CNTNAP2: variants seen among roughly 807,000 people sequenced by gnomAD.
CNTNAP2 encodes the protein contactin-associated protein-like 2.
CNTNAP2 carries 98 observed loss-of-function variants against 155.2 expected under a neutral mutation model. The observed-to-expected ratio is 0.63, with a 90% confidence interval of 0.54 to 0.75. The LOEUF (loss-of-function observed/expected upper bound fraction) is 0.75, where lower values mean the gene tolerates loss of function less well. Among genes scored for constraint, CNTNAP2 ranks in the 30% least tolerant of loss-of-function variants. The pLI is 0.00. For missense variants in CNTNAP2, 1,727 were observed against 1,688.1 expected, an observed-to-expected ratio of 1.02 and a Z score of -0.40; for synonymous variants, 651 against 631.2, an observed-to-expected ratio of 1.03 and a Z score of -0.47.
At chr7:146,959,530 A>G (rs112839116) in intron 3 of CNTNAP2, among the ~76,000 whole-genome samples, 10,826 of 151,538 alleles carry the variant, frequency 0.071, 584 homozygotes, top group African/African-American at 0.15. Flanking sequence ...GACCAGCCTG[A>G]CCAAAATGGT....
intron 13 of CNTNAP2, among the ~76,000 whole-genome samples, chr7:147,681,106 A>C (rs1390035558): frequency 6.6e-6 from 1 of 151,974 alleles, no homozygotes; most frequent in Non-Finnish European, 1.5e-5. Context: ...TGAAAGGGGA[A>C]GTTTCATGTG....
intron 8 of CNTNAP2, among the ~76,000 whole-genome samples, chr7:147,180,461 A>G (rs1365720496): frequency 6.6e-6 from 1 of 152,160 alleles, no homozygotes; most frequent in African/African-American, 2.4e-5. Context: ...CTGCTGCCCC[A>G]TTTCCAACTT....
intron 8 of CNTNAP2, among the ~76,000 whole-genome samples, chr7:147,267,215 T>C (rs183089086): frequency 6.6e-6 from 1 of 152,360 alleles, no homozygotes; most frequent in East Asian, 1.9e-4. Context: ...CATATTCCTT[T>C]AGGTTACATC....
chr7:148,349,995 G>C (rs374131423), intron 21 of CNTNAP2, among the ~76,000 whole-genome samples: 5 of 152,244 alleles, frequency 3.3e-5, no homozygotes, highest in Non-Finnish European at 7.3e-5. Flanking sequence ...TGGGAGGTCA[G>C]TGGAGGGCTT....
chr7:147,448,202 G>T (rs1797773364), intron 10 of CNTNAP2, among the ~76,000 whole-genome samples: 1 of 151,994 alleles, frequency 6.6e-6, no homozygotes, highest in African/African-American at 2.4e-5. Context: ...TTCTGAAAAT[G>T]TAAAAATATT....
At chr7:146,918,196 G>A (rs1423195087) in intron 3 of CNTNAP2, among the ~76,000 whole-genome samples, 10 of 152,102 alleles carry the variant, frequency 6.6e-5, no homozygotes, top group Non-Finnish European at 1.2e-4. Flanking sequence ...GTATTGAGAG[G>A]TGAGGTATTG....
At chr7:147,536,758 T>G (rs1799547871) in intron 11 of CNTNAP2, among the ~76,000 whole-genome samples, 1 of 152,186 alleles carries the variant, frequency 6.6e-6, no homozygotes, top group South Asian at 2.1e-4. Flanking sequence ...ACTAAAATTT[T>G]TCAATAGCTG....
At chr7:148,242,242 G>A (rs931624000) in intron 20 of CNTNAP2, among the ~76,000 whole-genome samples, 1 of 152,166 alleles carries the variant, frequency 6.6e-6, no homozygotes, top group Non-Finnish European at 1.5e-5. Context: ...GGGCAGAGCG[G>A]GTTGTTTCTT....
At chr7:147,452,836 T>C (rs1255791336) in intron 10 of CNTNAP2, among the ~76,000 whole-genome samples, 1 of 150,278 alleles carries the variant, frequency 6.7e-6, no homozygotes, top group Non-Finnish European at 1.5e-5. Context: ...AAGACAAACG[T>C]AGAGTAATGT....
chr7:148,164,495 A>G (rs1356018382), intron 17 of CNTNAP2, among the ~76,000 whole-genome samples: 1 of 151,852 alleles, frequency 6.6e-6, no homozygotes. Flanking sequence ...ACACCATTCC[A>G]GTGGCGGGCT....
At chr7:146,460,783 G>A (rs1433804434) in intron 1 of CNTNAP2, among the ~76,000 whole-genome samples, 5 of 152,092 alleles carry the variant, frequency 3.3e-5, no homozygotes, top group Non-Finnish European at 5.9e-5. Flanking sequence ...ACTTACAGAA[G>A]TAAAATGTAG....
At chr7:148,063,864 T>A (rs1017113478) in intron 15 of CNTNAP2, among the ~76,000 whole-genome samples, 1 of 152,124 alleles carries the variant, frequency 6.6e-6, no homozygotes, top group African/African-American at 2.4e-5. Context: ...GGATTTCAGG[T>A]CTTAGATTTC....
chr7:148,150,439 T>G (rs566527815), intron 17 of CNTNAP2, among the ~76,000 whole-genome samples: 1 of 152,096 alleles, frequency 6.6e-6, no homozygotes, highest in Admixed American at 6.5e-5. Context: ...TCCCAGCTAC[T>G]CAGGAGGCTG....
rs187402463 is a variant in CNTNAP2 at position 147,613,579 on chromosome 7, T to C, written c.1898-25527T>C. On this transcript the variant is annotated intron_variant, in intron 12 of 23. Transcript: ENST00000361727. ...AAAGCCGGATGCAGTGGCTCATGTC[T>C]ATAATCCCAGCACTTTGGGAGGCCG... Among the ~76,000 whole-genome samples, 293 of 152,280 alleles carry C rather than the reference T, an allele frequency of 1.9e-3. 2 individuals carry two copies. The highest frequency in any genetic ancestry group is 3.3e-3 in the Non-Finnish European group (222 of 68,026).
At chr7:147,461,668 A>C (rs1798027819) in intron 10 of CNTNAP2, among the ~76,000 whole-genome samples, 2 of 152,162 alleles carry the variant, frequency 1.3e-5, no homozygotes, top group Admixed American at 6.5e-5. Flanking sequence ...CTTGAAAAAA[A>C]GCTACGTTTT....
chr7:146,793,371 A>G (rs1802708052), intron 2 of CNTNAP2, among the ~76,000 whole-genome samples: 1 of 152,200 alleles, frequency 6.6e-6, no homozygotes, highest in Admixed American at 6.5e-5. Flanking sequence ...TAGTCCTTCT[A>G]GCAACATGCC....
chr7:147,783,717 C>T (rs909050106), intron 13 of CNTNAP2, among the ~76,000 whole-genome samples: 1 of 152,028 alleles, frequency 6.6e-6, no homozygotes, highest in African/African-American at 2.4e-5. Context: ...AGAGTGAAGC[C>T]CTCATAAATG....
intron 14 of CNTNAP2, among the ~76,000 whole-genome samples, chr7:147,951,945 T>C (rs1563146183): frequency 6.7e-6 from 1 of 149,028 alleles, no homozygotes; most frequent in African/African-American, 2.5e-5. Context: ...ATTAATTAAA[T>C]AAAAAAAAAT....
intron 12 of CNTNAP2, among the ~76,000 whole-genome samples, chr7:147,625,874 C>G (rs757191300): frequency 6.6e-6 from 1 of 152,176 alleles, no homozygotes. Flanking sequence ...TACATTTCTA[C>G]TGGGGGACCT....
Sources: gnomAD v4.1 joint callset for allele counts (sites outside exome capture counted in the v4.1 genomes callset) on GRCh38, gnomAD v4.1.1 for gene constraint, MANE v1.5 for transcripts, NCBI Gene and HGNC (gene_info 2026-07-23, HGNC 2026-07-21) for gene names.